ARG2: variants seen among roughly 807,000 people sequenced by gnomAD.
ARG2 encodes the protein arginase 2.
Under a neutral mutation model 39.4 loss-of-function variants are expected in ARG2, and 21 were observed. That is an observed-to-expected ratio of 0.53 (90% CI 0.38 to 0.77). The LOEUF (loss-of-function observed/expected upper bound fraction) is 0.77, where lower values mean the gene tolerates loss of function less well. Ranked by LOEUF, ARG2 falls within the 30% of genes least tolerant of loss-of-function variation. The pLI is 0.00. For synonymous variants in ARG2, 150 were observed against 156.7 expected, an observed-to-expected ratio of 0.96 and a Z score of 0.32; for missense variants, 378 against 426.2, an observed-to-expected ratio of 0.89 and a Z score of 1.00.
At chr14:67,645,556 G>C (rs1008896133) in intron 3 of ARG2, 87 bp from the exon 4 acceptor site, 32 of 1,467,534 alleles carry the variant, frequency 2.2e-5, no homozygotes, top group Non-Finnish European at 2.8e-5. Context: ...ACTGTGGAGA[G>C]AGTATAAGTT....
At chr14:67,633,695 T>A (rs1594824765) in intron 2 of ARG2, among the ~76,000 whole-genome samples, 1 of 152,214 alleles carries the variant, frequency 6.6e-6, no homozygotes, top group South Asian at 2.1e-4. Context: ...CCACGGTTGT[T>A]CCCCACCACA....
chr14:67,641,915 T>C (rs2037035631), intron 2 of ARG2, among the ~76,000 whole-genome samples: 1 of 152,254 alleles, frequency 6.6e-6, no homozygotes, highest in Admixed American at 6.5e-5. Flanking sequence ...TTCTACTCTA[T>C]CACTCCAGGA....
intron 3 of ARG2, among the ~76,000 whole-genome samples, chr14:67,643,820 T>C (rs570223737): frequency 1.4e-3 from 185 of 129,708 alleles, no homozygotes; most frequent in Non-Finnish European, 2.4e-3. Flanking sequence ...CTTTGTTACA[T>C]CTGGAGAAGC....
chr14:67,645,664 T>G lies in ARG2; in HGVS notation c.384T>G (p.Ser128Arg). Residue 128 changes from serine to arginine, a missense_variant, in exon 4 of 8, where the codon AGT (serine) becomes AGG (arginine). By Grantham distance (110) the Ser-to-Arg change is moderately radical. Transcript: ENST00000261783. ...GCAGCCTGGCAATCGGTACCATTAG[T>G]GGCCATGCCCGACACTGCCCAGACC... is the stretch of plus-strand genomic sequence containing the variant. ...GDHSLAIGTI[S>R]GHARHCPDLC... 6.2e-7 allele frequency: 1 copy of G among 1,613,864 alleles called. No individual in the cohort carries two copies. The highest frequency in any genetic ancestry group is 8.5e-7 in the Non-Finnish European group (1 of 1,179,894).
intron 2 of ARG2, 117 bp from the exon 3 acceptor site, chr14:67,642,069 A>T: frequency 9.8e-7 from 1 of 1,019,900 alleles, no homozygotes; most frequent in Non-Finnish European, 1.4e-6. Context: ...TTTAAATTTT[A>T]CTGTGACAAA....
Position 67,651,528 on chromosome 14 carries a change from T to C in ARG2, c.*608T>C, listed in dbSNP as rs1164577265. On this transcript the variant is annotated 3_prime_UTR_variant, in exon 8 of 8. Coordinates refer to ENST00000261783, the MANE Select transcript of ARG2 (RefSeq NM_001172.4). ...GGAGTAGTCAGAAGTTTGGATAACC[T>C]TCCTTCTAAACATTTTGGGGTTAGA... is the stretch of plus-strand genomic sequence containing the variant. 1 of 1,602,502 alleles carries C rather than the reference T, an allele frequency of 6.2e-7. No individual in the cohort carries two copies. The highest frequency in any genetic ancestry group is 8.5e-7 in the Non-Finnish European group (1 of 1,173,474).
chr14:67,626,439 G>T (rs1432876809), intron 2 of ARG2, among the ~76,000 whole-genome samples: 4 of 152,166 alleles, frequency 2.6e-5, no homozygotes, highest in Non-Finnish European at 4.4e-5. Context: ...GATCCTCAAA[G>T]TTAAATGTAT....
At chr14:67,625,115 T>C (rs1034492150) in intron 2 of ARG2, among the ~76,000 whole-genome samples, 2 of 151,858 alleles carry the variant, frequency 1.3e-5, no homozygotes, top group African/African-American at 4.8e-5. Flanking sequence ...AAGGAAAGAA[T>C]AGTCTTCAGT....
rs976504525 is a variant in ARG2, at chr14:67,646,098, T to C, written c.522+296T>C. ...CAGGCCATACTCTCAGACACACTGATCTAGAAGACAAATAAAACCATGACC... is the reference window on the plus strand; with the variant it reads ...CAGGCCATACTCTCAGACACACTGACCTAGAAGACAAATAAAACCATGACC... On this transcript the variant is annotated intron_variant, in intron 4 of 7. Transcript: ENST00000261783. Among the ~76,000 whole-genome samples, 4 of 152,316 alleles carry C rather than the reference T, an allele frequency of 2.6e-5. No individual in the cohort carries two copies. In the South Asian group the frequency reaches 6.2e-4, roughly 24 times the overall value.
chr14:67,642,804 T>TTTTTTC (rs2037051080), intron 3 of ARG2, among the ~76,000 whole-genome samples: 1 of 124,430 alleles, frequency 8.0e-6, no homozygotes, highest in South Asian at 3.0e-4. Context: ...TTTTTTTTTT[T>TTTTTTC]TTTTTTTTTT....
At position 67,651,383 on chromosome 14, in the gene ARG2, G is replaced by A; in HGVS notation, c.*463G>A. The A allele has an allele frequency of 6.2e-7, 1 of 1,613,766 alleles. No individual in the cohort carries two copies. The highest frequency in any genetic ancestry group is 8.5e-7 in the Non-Finnish European group (1 of 1,179,714). On this transcript the variant is annotated 3_prime_UTR_variant, in exon 8 of 8. Transcript: ENST00000261783. ...GGTCCACAAACCCTTCCCTATAGAA[G>A]TTCAATGGCTGCGAAAGAATTTGTA...
chr14:67,630,952 A>G (rs2036912595), intron 2 of ARG2, among the ~76,000 whole-genome samples: 1 of 152,134 alleles, frequency 6.6e-6, no homozygotes, highest in African/African-American at 2.4e-5. Context: ...TTCTTTCCGG[A>G]AAAAGGGAAG....
In ARG2 at chr14:67,650,721, T is replaced by C. The variant is rs2037162608; in HGVS notation, c.866T>C (p.Leu289Pro). Residue 289 changes from leucine (L) to proline (P), a missense_variant, in exon 8 of 8, where the codon CTA becomes CCA. Leu to Pro is a moderately conservative substitution (Grantham distance 98). Coordinates refer to ENST00000261783, the MANE Select transcript of ARG2 (RefSeq NM_001172.4). Reference protein sequence around the residue: ...IAEEIHNTGLLSALDLVEVNP... With the variant: ...IAEEIHNTGLPSALDLVEVNP... ...TCACACTTTGTTCTTCCAGGGTTGC[T>C]ATCAGCACTGGATCTTGTTGAAGTC... 1.9e-6 allele frequency: 3 copies of C among 1,613,728 alleles called. No individual in the cohort carries two copies. Among genetic ancestry groups the C allele is most frequent in the South Asian group, 1.1e-5 (1 of 91,076 alleles).
chr14:67,648,044 T>C lies in ARG2; in HGVS notation c.723-3T>C. 1 of 1,607,582 alleles carries C rather than the reference T, an allele frequency of 6.2e-7. No homozygotes were observed. The highest frequency in any genetic ancestry group is 1.1e-5 in the South Asian group (1 of 90,264). Reference sequence around the variant, plus strand: ...AGTATTATTTTATCCTCTTCCTTTTTAGGAGACAAAGACCAATCCATTTGA... The same window carrying C: ...AGTATTATTTTATCCTCTTCCTTTTCAGGAGACAAAGACCAATCCATTTGA... On this transcript the variant is annotated splice_polypyrimidine_tract_variant and splice_region_variant and intron_variant, in intron 6 of 7. Coordinates refer to ENST00000261783, the MANE Select transcript of ARG2 (RefSeq NM_001172.4).
In ARG2 at chr14:67,620,092, A is replaced by G; in HGVS notation, c.111+4A>G. On this transcript the variant is annotated splice_donor_region_variant and intron_variant, in intron 1 of 7. Transcript: ENST00000261783. ...AGCCCCGTTCTCACAAGGGCAGGTG[A>G]GAACTGGCACCTGGAACCGCCGGGC... 6.3e-7 allele frequency: 1 copy of G among 1,590,582 alleles called. No individual in the cohort carries two copies.
rs143978414 is a variant in ARG2 at position 67,621,338 on chromosome 14, T to C, written c.184+372T>C. On this transcript the variant is annotated intron_variant, in intron 2 of 7. Transcript: ENST00000261783. ...TATCAGTCTCGCCAGTTTTCTGTCT[T>C]CAAATTATTTCCTCTCTAGGGTTAA... 2.0e-3 allele frequency among the ~76,000 whole-genome samples: 302 copies of C among 152,352 alleles called. 2 individuals are homozygous for C. The highest frequency in any genetic ancestry group is 3.4e-3 in the Non-Finnish European group (231 of 68,034).
In ARG2 at chr14:67,643,292, C is replaced by T. The variant is rs191317354; in HGVS notation, c.362+929C>T. ...ATGAAATAAATATACATGGAATAAA[C>T]AAAAATATTGAATTCTACAGAATTT... On this transcript the variant is annotated intron_variant, in intron 3 of 7. Coordinates refer to ENST00000261783, the MANE Select transcript of ARG2 (RefSeq NM_001172.4). 6.9e-3 allele frequency among the ~76,000 whole-genome samples: 1,057 copies of T among 152,230 alleles called. 13 individuals carry two copies. Among genetic ancestry groups the T allele is most frequent in the African/African-American group, 0.024 (1,014 of 41,538 alleles).
chr14:67,644,616 G>A (rs2037072700), intron 3 of ARG2, among the ~76,000 whole-genome samples: 2 of 152,126 alleles, frequency 1.3e-5, no homozygotes, highest in Non-Finnish European at 2.9e-5. Context: ...ATTTCATCAG[G>A]TGTATTCTTA....
chr14:67,624,306 C>A (rs1314979995), intron 2 of ARG2, among the ~76,000 whole-genome samples: 1 of 152,120 alleles, frequency 6.6e-6, no homozygotes, highest in African/African-American at 2.4e-5. Context: ...TATAGTGACA[C>A]CATTGAAAAT....
Sources: gnomAD v4.1 joint callset for allele counts (sites outside exome capture counted in the v4.1 genomes callset) on GRCh38, gnomAD v4.1.1 for gene constraint, MANE v1.5 for transcripts, NCBI Gene and HGNC (gene_info 2026-07-23, HGNC 2026-07-21) for gene names.